PC: variants seen among roughly 807,000 people sequenced by gnomAD.
PC encodes the protein pyruvate carboxylase, also known as pyruvate carboxylase, mitochondrial.
PC carries 46 observed loss-of-function variants against 107.8 expected under a neutral mutation model. That is an observed-to-expected ratio of 0.43 (90% CI 0.34 to 0.55). The LOEUF is 0.55. Among genes scored for constraint, PC ranks in the 20% least tolerant of loss-of-function variants. PC has a pLI of 0.04. For synonymous variants in PC, 662 were observed against 684.7 expected, an observed-to-expected ratio of 0.97 and a Z score of 0.52; for missense variants, 1,241 against 1,643.1, an observed-to-expected ratio of 0.76 and a Z score of 4.23.
intron 3 of PC, among the ~76,000 whole-genome samples, chr11:66,874,816 T>C (rs1270170782): frequency 6.6e-6 from 1 of 151,968 alleles, no homozygotes; most frequent in African/African-American, 2.4e-5. Flanking sequence ...AAGAAACAGG[T>C]GACATTTTGC....
Position 66,857,718 on chromosome 11 carries a change from G to A in PC, c.1369-4335C>T. 1 of 1,573,244 alleles carries A rather than the reference G, an allele frequency of 6.4e-7. No individual in the cohort carries two copies. Among genetic ancestry groups the A allele is most frequent in the Non-Finnish European group, 8.6e-7 (1 of 1,165,350 alleles). On this transcript the variant is annotated intron_variant, in intron 12 of 22. Transcript: ENST00000393960. The surrounding 1 kb of genome is among the most constrained non-coding windows in gnomAD (Gnocchi z 7.1). Reference sequence around the variant, plus strand: ...CGCCAGCCCCACCTGTGCCTGGGCTGTGGCCCCTTCCTACAGGGCGCTCAC... The same window carrying A: ...CGCCAGCCCCACCTGTGCCTGGGCTATGGCCCCTTCCTACAGGGCGCTCAC...
intron 3 of PC, among the ~76,000 whole-genome samples, chr11:66,897,094 G>C (rs1249169999): frequency 6.6e-6 from 1 of 151,964 alleles, no homozygotes; most frequent in Non-Finnish European, 1.5e-5. Context: ...ACCATGCCTG[G>C]CTGATTTTTT....
chr11:66,934,216 G>A (rs976594106), intron 3 of PC, among the ~76,000 whole-genome samples: 2 of 152,056 alleles, frequency 1.3e-5, no homozygotes, highest in African/African-American at 4.8e-5. Flanking sequence ...GCAGGGCCTC[G>A]GATTCACATA....
Position 66,849,215 on chromosome 11 carries a change from T to TG in PC, c.3288+14dup, listed in dbSNP as rs771894796. On this transcript the variant is annotated intron_variant, in intron 22 of 22. Transcript: ENST00000393960. ...CCAAGCCCCACCGCCTGGCTGGCCC[T>TG]GGGGGAGACAATACCTTCATGGCCT... 2 of 1,613,766 alleles carry TG rather than the reference T, an allele frequency of 1.2e-6. No homozygotes were observed. The highest frequency in any genetic ancestry group is 2.2e-5 in the East Asian group (1 of 44,862).
chr11:66,950,445 G>A (rs1322081006), intron 3 of PC, among the ~76,000 whole-genome samples: 2 of 152,208 alleles, frequency 1.3e-5, no homozygotes, highest in African/African-American at 4.8e-5. Flanking sequence ...TAGGAAACCC[G>A]AGGTAGTGCT....
chr11:66,863,629 G>T, intron 12 of PC, 145 bp downstream of exon 12: 1 of 867,432 alleles, frequency 1.2e-6, no homozygotes, highest in Non-Finnish European at 1.8e-6. Flanking sequence ...TGCAGCTGCA[G>T]CCAAGGAGAG....
At chr11:66,863,491 G>A (rs552771117) in intron 12 of PC, among the ~76,000 whole-genome samples, 5 of 152,312 alleles carry the variant, frequency 3.3e-5, no homozygotes, top group South Asian at 2.1e-4. Context: ...GGGACACAGC[G>A]TGGGTCTCCC....
At position 66,857,638 on chromosome 11, in the gene PC, G is replaced by C. The variant is rs1565223412; in HGVS notation, c.1369-4255C>G. 1.5e-6 allele frequency: 2 copies of C among 1,294,896 alleles called. No homozygotes were observed. The highest frequency in any genetic ancestry group is 2.1e-6 in the Non-Finnish European group (2 of 967,172). The allele number at this position is 1,294,896 out of a possible 1,614,324, so 80.2% of individuals were successfully genotyped here. On this transcript the variant is annotated intron_variant, in intron 12 of 22. Transcript: ENST00000393960. The surrounding 1 kb of genome is among the most constrained non-coding windows in gnomAD (Gnocchi z 7.1). ...GGCCTCTGACCCAGCCCCTCCCCGG[G>C]CCAGGCTCACAGAAGCTGGCTTCTG...
intron 3 of PC, among the ~76,000 whole-genome samples, chr11:66,932,032 A>G (rs1333798467): frequency 6.6e-6 from 1 of 151,050 alleles, no homozygotes; most frequent in Non-Finnish European, 1.5e-5. Context: ...AAAAAAAAAA[A>G]AAGAAAAAGA....
At chr11:66,926,039 A>G (rs1948708143) in intron 3 of PC, among the ~76,000 whole-genome samples, 1 of 152,198 alleles carries the variant, frequency 6.6e-6, no homozygotes, top group South Asian at 2.1e-4. Context: ...CAGAGAAGAT[A>G]ATGAAATGAT....
At chr11:66,937,789 T>G (rs951842930) in intron 3 of PC, among the ~76,000 whole-genome samples, 1 of 151,534 alleles carries the variant, frequency 6.6e-6, no homozygotes, top group African/African-American at 2.4e-5. Flanking sequence ...TGTTTTTTTT[T>G]TTTTTGAGAC....
At chr11:66,946,617 T>A (rs1591315057) in intron 3 of PC, among the ~76,000 whole-genome samples, 1 of 151,856 alleles carries the variant, frequency 6.6e-6, no homozygotes, top group Non-Finnish European at 1.5e-5. Context: ...TGAGACTCCA[T>A]CTCAAAAAAA....
chr11:66,857,613 G>A lies in PC; in HGVS notation c.1369-4230C>T. The A allele has an allele frequency of 9.9e-7, 1 of 1,013,966 alleles. No individual in the cohort carries two copies. Among genetic ancestry groups the A allele is most frequent in the Non-Finnish European group, 1.4e-6 (1 of 716,110 alleles). 62.8% of individuals were successfully genotyped at this position (1,013,966 alleles called of 1,614,324 possible). A position where few individuals can be genotyped will look rare whatever the true frequency, so the allele number is the denominator to read the frequency against. ...TCCCTCATCTCTGGCGGCCCTCTTG[G>A]GCCTCTGACCCAGCCCCTCCCCGGG... On this transcript the variant is annotated intron_variant, in intron 12 of 22. Coordinates refer to ENST00000393960, the MANE Select transcript of PC (RefSeq NM_001040716.2). The surrounding 1 kb of genome is among the most constrained non-coding windows in gnomAD (Gnocchi z 7.1).
rs1414010621 is a variant in PC at position 66,908,738 on chromosome 11, G to A, written c.1-36579C>T. On this transcript the variant is annotated intron_variant, in intron 3 of 22. Transcript: ENST00000393960. The stretch of plus-strand genomic sequence containing the variant: ...ACAGAAGCTGGCATCTGAAGAGAGC[G>A]GGTAGGCTGAGCCTGCTACGGGAAC... 1.5e-4 allele frequency among the ~76,000 whole-genome samples: 23 copies of A among 152,152 alleles called. 1 individual carries two copies. Among genetic ancestry groups the A allele is most frequent in the Non-Finnish European group, 2.9e-5 (2 of 68,022 alleles).
At chr11:66,855,317 A>T (rs1407119129) in intron 12 of PC, among the ~76,000 whole-genome samples, 3 of 152,232 alleles carry the variant, frequency 2.0e-5, no homozygotes, top group East Asian at 3.9e-4. Context: ...CTATATTTAG[A>T]GTGAATGAAA....
rs1948623391 is a variant in PC, at chr11:66,922,675, C to T, written c.-1+29755G>A. ...AGTACCTGGTCTTCCTCCACTCTTTCATTTCTGTCTCTGGCCCAGATCCCC... is the reference window on the plus strand; with the variant it reads ...AGTACCTGGTCTTCCTCCACTCTTTTATTTCTGTCTCTGGCCCAGATCCCC... On this transcript the variant is annotated intron_variant, in intron 3 of 22. Coordinates refer to ENST00000393960, the MANE Select transcript of PC (RefSeq NM_001040716.2). Among the ~76,000 whole-genome samples, 5 of 150,722 alleles carry T rather than the reference C, an allele frequency of 3.3e-5. No individual in the cohort carries two copies. The South Asian group carries it at 8.5e-4, about 26-fold the overall frequency.
At chr11:66,925,881 C>T (rs1336341498) in intron 3 of PC, among the ~76,000 whole-genome samples, 2 of 151,778 alleles carry the variant, frequency 1.3e-5, no homozygotes, top group Non-Finnish European at 1.5e-5. Flanking sequence ...CAGCGGGTCC[C>T]TCCGTTCAGG....
At chr11:66,861,394 C>T (rs1591163345) in intron 12 of PC, among the ~76,000 whole-genome samples, 2 of 152,248 alleles carry the variant, frequency 1.3e-5, no homozygotes, top group African/African-American at 4.8e-5. Context: ...TGCACAGACT[C>T]CCTGGTGTTT....
intron 3 of PC, among the ~76,000 whole-genome samples, chr11:66,919,040 C>T (rs755404477): frequency 2.6e-5 from 4 of 152,176 alleles, no homozygotes; most frequent in South Asian, 4.1e-4. Flanking sequence ...AATCCTGGGA[C>T]TGTGGGCCCA....
Sources: allele counts gnomAD v4.1 joint callset (sites outside exome capture counted in the v4.1 genomes callset), GRCh38; gene constraint gnomAD v4.1.1; non-coding constraint Gnocchi (gnomAD v3.1); transcripts MANE v1.5; gene names NCBI Gene and HGNC (gene_info 2026-07-23, HGNC 2026-07-21).